Variants in PRRX1 observed in about 807,000 individuals in gnomAD.
The protein encoded by PRRX1 is paired mesoderm homeobox protein 1.
PRRX1 carries 8 observed loss-of-function variants against 24.0 expected under a neutral mutation model. The observed-to-expected ratio is 0.33, with a 90% CI of 0.20 to 0.60. The LOEUF is 0.60. PRRX1 is among the 20% of genes least tolerant of loss of function. The probability of loss-of-function intolerance (pLI) is 0.82; values close to 1 mark genes in which losing one functional copy is unlikely to be tolerated. For missense variants in PRRX1, 281 were observed against 322.4 expected (o/e 0.87, Z 0.98); for synonymous variants, 160 against 131.7 (o/e 1.22, Z -1.47).
intron 1 of PRRX1, among the ~76,000 whole-genome samples, chr1:170,674,472 A>G (rs972176790): frequency 1.3e-5 from 2 of 152,176 alleles, no homozygotes; most frequent in Non-Finnish European, 2.9e-5. Context: ...ACCTTCTCTG[A>G]CTACTTTATT....
chr1:170,686,170 T>A (rs1653727429), intron 1 of PRRX1, among the ~76,000 whole-genome samples: 2 of 128,642 alleles, frequency 1.6e-5, no homozygotes, highest in Admixed American at 8.2e-5. Flanking sequence ...AGATCCTTAG[T>A]TAAGGGTACA....
intron 1 of PRRX1, among the ~76,000 whole-genome samples, chr1:170,681,921 A>G (rs1653560018): frequency 6.6e-6 from 1 of 152,226 alleles, no homozygotes; most frequent in African/African-American, 2.4e-5. Context: ...ATGAATATTT[A>G]TAGCCAAGAA....
At chr1:170,695,426 C>G (rs919302238) in intron 1 of PRRX1, among the ~76,000 whole-genome samples, 2 of 152,098 alleles carry the variant, frequency 1.3e-5, no homozygotes, top group Non-Finnish European at 2.9e-5. Flanking sequence ...TTACCAAAAC[C>G]TTTTTAGAAC....
At chr1:170,726,574 C>A in intron 3 of PRRX1, 173 bp downstream of exon 3, 1 of 779,174 alleles carries the variant, frequency 1.3e-6, no homozygotes, top group Non-Finnish European at 2.0e-6. Flanking sequence ...GCTGCCCCAG[C>A]AGCAGGGTTT....
Position 170,737,755 on chromosome 1 carries a change from T to G in PRRX1, c.*1569T>G, listed in dbSNP as rs1422739728. On this transcript the variant is annotated 3_prime_UTR_variant, in exon 4 of 4. Coordinates refer to ENST00000239461, the MANE Select transcript of PRRX1 (RefSeq NM_022716.4). ...GCCAGGTGGACTTGACCAACTACATTACCATGCTGTGCCTCAGTTTACCCA... is the reference window on the plus strand; with the variant it reads ...GCCAGGTGGACTTGACCAACTACATGACCATGCTGTGCCTCAGTTTACCCA... The G allele has an allele frequency of 5.0e-5, 11 of 220,482 alleles. No individual in the cohort carries two copies. The highest frequency in any genetic ancestry group is 9.1e-6 in the Non-Finnish European group (1 of 109,688). 13.7% of individuals were successfully genotyped at this position (220,482 alleles called of 1,614,324 possible). A position where few individuals can be genotyped will look rare whatever the true frequency, so the allele number is the denominator to read the frequency against.
In PRRX1 at chr1:170,671,473, G is replaced by C. The variant is rs1653142885; in HGVS notation, c.241+7014G>C. Among the ~76,000 whole-genome samples the C allele has an allele frequency of 2.0e-5, 3 of 152,226 alleles. No individual in the cohort carries two copies. The South Asian group carries it at 6.2e-4, about 32-fold the overall frequency. ...GACGCCAGGCGCTGCTTTCCGCCGG[G>C]TAAATTAGCGGCGAGCCTCGCCAGA... On this transcript the variant is annotated intron_variant, in intron 1 of 3. Coordinates refer to ENST00000239461, the MANE Select transcript of PRRX1 (RefSeq NM_022716.4).
chr1:170,708,690 C>A (rs1456093628), intron 1 of PRRX1, among the ~76,000 whole-genome samples: 1 of 152,170 alleles, frequency 6.6e-6, no homozygotes, highest in Admixed American at 6.5e-5. Context: ...CAAACATTTA[C>A]TGAGCACTAC....
chr1:170,728,107 GA>G (rs1558063064), intron 3 of PRRX1: 2 of 152,202 alleles, frequency 1.3e-5, no homozygotes, highest in South Asian at 4.2e-4. Context: ...TCCTCCATAG[GA>G]ACTTTTCATA....
At chr1:170,686,190 A>C (rs1361751589) in intron 1 of PRRX1, among the ~76,000 whole-genome samples, 5 of 151,986 alleles carry the variant, frequency 3.3e-5, no homozygotes, top group Admixed American at 1.3e-4. Flanking sequence ...AAAAAAAAAA[A>C]AAAAACAAGT....
At chr1:170,672,550 T>A (rs1351753905) in intron 1 of PRRX1, among the ~76,000 whole-genome samples, 2 of 152,224 alleles carry the variant, frequency 1.3e-5, no homozygotes, top group Non-Finnish European at 2.9e-5. Flanking sequence ...GTGGTGTAGT[T>A]ATAAATAAGC....
chr1:170,669,813 G>A (rs1653086309), intron 1 of PRRX1, among the ~76,000 whole-genome samples: 1 of 152,182 alleles, frequency 6.6e-6, no homozygotes, highest in South Asian at 2.1e-4. Context: ...ACTTTCAACA[G>A]CTCTGGAAAT....
rs141178877 is a variant in PRRX1, at chr1:170,738,422, C to A, written c.*2236C>A. The A allele has an allele frequency of 1.2e-4, 27 of 226,866 alleles. No homozygotes were observed. Among genetic ancestry groups the A allele is most frequent in the African/African-American group, 5.5e-4 (25 of 45,066 alleles). The allele number at this position is 226,866 out of a possible 1,614,324, so 14.1% of individuals were successfully genotyped here. On this transcript the variant is annotated 3_prime_UTR_variant, in exon 4 of 4. Coordinates refer to ENST00000239461, the MANE Select transcript of PRRX1 (RefSeq NM_022716.4). ...ACCAATTGATTCCTTCTTCTTTTAG[C>A]CCACTATTAAAACATTTCTTACTGA...
rs184989710 is a variant in PRRX1 at position 170,665,289 on chromosome 1, C to A, written c.241+830C>A. ...TTGGCTCTTAAACGCCCAGAAAAGT[C>A]CAGTTTCCCTTCCCCATCCTCACCG... On this transcript the variant is annotated intron_variant, in intron 1 of 3. Coordinates refer to ENST00000239461, the MANE Select transcript of PRRX1 (RefSeq NM_022716.4). Among the ~76,000 whole-genome samples, 48 of 152,332 alleles carry A rather than the reference C, an allele frequency of 3.2e-4. No homozygotes were observed. In the East Asian group the frequency reaches 8.7e-3, roughly 28 times the overall value.
At chr1:170,683,588 G>A (rs775822300) in intron 1 of PRRX1, among the ~76,000 whole-genome samples, 2 of 152,142 alleles carry the variant, frequency 1.3e-5, no homozygotes, top group East Asian at 3.9e-4. Context: ...GTTGTGTGCA[G>A]TGGGGTATGA....
intron 3 of PRRX1, among the ~76,000 whole-genome samples, chr1:170,733,257 T>C (rs1391976058): frequency 2.6e-5 from 4 of 152,154 alleles, no homozygotes; most frequent in Non-Finnish European, 4.4e-5. Flanking sequence ...TAATCGTTAT[T>C]ATAGGAGACA....
chr1:170,664,573 G>T (rs1571307425), intron 1 of PRRX1, 114 bp downstream of exon 1: 1 of 1,440,122 alleles, frequency 6.9e-7, no homozygotes, highest in East Asian at 2.5e-5. Context: ...GGGACCAGGA[G>T]AGGTGATGGC....
intron 1 of PRRX1, among the ~76,000 whole-genome samples, chr1:170,704,833 C>G (rs1237873329): frequency 6.6e-6 from 1 of 152,226 alleles, no homozygotes; most frequent in African/African-American, 2.4e-5. Flanking sequence ...TCTGGATTCT[C>G]TCCTTTTGGA....
At chr1:170,677,149 G>C (rs1414162915) in intron 1 of PRRX1, among the ~76,000 whole-genome samples, 1 of 152,160 alleles carries the variant, frequency 6.6e-6, no homozygotes. Flanking sequence ...GACACGTTAG[G>C]AGTCTTCATG....
chr1:170,682,542 A>G (rs951113652), intron 1 of PRRX1, among the ~76,000 whole-genome samples: 1 of 152,050 alleles, frequency 6.6e-6, no homozygotes, highest in Non-Finnish European at 1.5e-5. Flanking sequence ...ACAAAGTTGG[A>G]GGCCTAGGTT....
Sources: allele counts gnomAD v4.1 joint callset (sites outside exome capture counted in the v4.1 genomes callset), GRCh38; gene constraint gnomAD v4.1.1; transcripts MANE v1.5; gene names NCBI Gene and HGNC (gene_info 2026-07-23, HGNC 2026-07-21).